EBF1: variants seen among roughly 807,000 people sequenced by gnomAD.
EBF1 encodes the protein EBF transcription factor 1.
EBF1 carries 10 observed loss-of-function variants against 68.4 expected under a neutral mutation model. The observed-to-expected ratio is 0.15, with a 90% CI of 0.09 to 0.25. EBF1 has a LOEUF of 0.25. EBF1 is among the 10% of genes least tolerant of loss of function. EBF1 has a pLI of 1.00. For synonymous variants in EBF1, 298 were observed against 299.8 expected (o/e 0.99, Z 0.06); for missense variants, 509 against 794.4 (o/e 0.64, Z 4.32).
intron 10 of EBF1, among the ~76,000 whole-genome samples, chr5:158,742,987 T>C (rs575483644): frequency 6.6e-6 from 1 of 152,316 alleles, no homozygotes; most frequent in South Asian, 2.1e-4. Flanking sequence ...AAGAAAAAGA[T>C]GTACAACATG....
intron 10 of EBF1, among the ~76,000 whole-genome samples, chr5:158,734,186 A>G (rs1764698501): frequency 6.6e-6 from 1 of 152,204 alleles, no homozygotes; most frequent in African/African-American, 2.4e-5. Flanking sequence ...GCCAAATAGT[A>G]GTTATTTCTA....
chr5:158,795,536 G>A (rs1779461200), intron 9 of EBF1, among the ~76,000 whole-genome samples: 1 of 152,098 alleles, frequency 6.6e-6, no homozygotes, highest in Non-Finnish European at 1.5e-5. Context: ...CCCTAACATT[G>A]TTTTTATTCT....
At chr5:158,712,462 T>A (rs1561708232) in intron 13 of EBF1, 129 bp from the exon 14 acceptor site, 25 of 995,782 alleles carry the variant, frequency 2.5e-5, no homozygotes, top group South Asian at 1.6e-4. Context: ...GATTGGGTGA[T>A]TCATGTGCGT....
At chr5:158,724,929 T>A (rs1762688048) in intron 11 of EBF1, among the ~76,000 whole-genome samples, 2 of 152,348 alleles carry the variant, frequency 1.3e-5, no homozygotes, top group South Asian at 4.1e-4. Context: ...ACATTCACTT[T>A]CAATATAGAT....
chr5:158,840,240 A>G, intron 6 of EBF1, 130 bp from the exon 7 acceptor site: 1 of 675,552 alleles, frequency 1.5e-6, no homozygotes, highest in Non-Finnish European at 2.5e-6. Flanking sequence ...GCATGGTGTT[A>G]GAGCCAATAT....
chr5:158,889,577 G>T (rs1247608207), intron 6 of EBF1, among the ~76,000 whole-genome samples: 1 of 152,174 alleles, frequency 6.6e-6, no homozygotes, highest in African/African-American at 2.4e-5. Flanking sequence ...TGGGATTCTA[G>T]CCTCTGTTAT....
At chr5:158,826,301 T>C (rs780209987) in intron 7 of EBF1, among the ~76,000 whole-genome samples, 2 of 152,354 alleles carry the variant, frequency 1.3e-5, no homozygotes. Context: ...AGAACTGCAC[T>C]GTCCAATACA....
At chr5:158,734,099 A>G (rs1016976257) in intron 10 of EBF1, among the ~76,000 whole-genome samples, 4 of 152,226 alleles carry the variant, frequency 2.6e-5, no homozygotes. Flanking sequence ...AGTAGATTAC[A>G]GGAGCATGTG....
chr5:158,806,621 A>G (rs1189637257), intron 8 of EBF1, among the ~76,000 whole-genome samples: 1 of 152,182 alleles, frequency 6.6e-6, no homozygotes, highest in Non-Finnish European at 1.5e-5. Flanking sequence ...GACAGAGAAC[A>G]GTCAGACTTC....
intron 6 of EBF1, among the ~76,000 whole-genome samples, chr5:158,935,515 G>A (rs909055619): frequency 1.6e-4 from 24 of 152,290 alleles, no homozygotes; most frequent in African/African-American, 5.5e-4. Flanking sequence ...GCATGTGCAC[G>A]CGTGCACACA....
intron 10 of EBF1, among the ~76,000 whole-genome samples, chr5:158,766,158 A>G (rs1772624239): frequency 6.6e-6 from 1 of 152,190 alleles, no homozygotes; most frequent in African/African-American, 2.4e-5. Flanking sequence ...CTTTTTAAGG[A>G]GGATTGACCT....
intron 6 of EBF1, among the ~76,000 whole-genome samples, chr5:158,921,698 A>G (rs1366919688): frequency 6.6e-6 from 1 of 152,104 alleles, no homozygotes; most frequent in African/African-American, 2.4e-5. Context: ...ATGTACCAAT[A>G]CTTGTTTTGG....
intron 6 of EBF1, among the ~76,000 whole-genome samples, chr5:158,870,333 A>G (rs1582751037): frequency 6.6e-6 from 1 of 152,218 alleles, no homozygotes; most frequent in Admixed American, 6.5e-5. Context: ...TTCATTTAGC[A>G]TCTGCTATAG....
chr5:158,933,826 G>T (rs1811398782), intron 6 of EBF1, among the ~76,000 whole-genome samples: 1 of 152,158 alleles, frequency 6.6e-6, no homozygotes, highest in Admixed American at 6.5e-5. Context: ...AATTAGATCT[G>T]CTCACACCCC....
intron 9 of EBF1, among the ~76,000 whole-genome samples, chr5:158,781,217 T>A (rs1302460320): frequency 1.3e-5 from 2 of 152,206 alleles, no homozygotes; most frequent in Non-Finnish European, 2.9e-5. Flanking sequence ...TTAAAACACT[T>A]GGATGAAAAC....
intron 7 of EBF1, among the ~76,000 whole-genome samples, chr5:158,830,038 T>A (rs1396476344): frequency 6.6e-6 from 1 of 152,178 alleles, no homozygotes; most frequent in African/African-American, 2.4e-5. Context: ...ATAAATGCAA[T>A]TTGATTGAAA....
chr5:159,097,434 C>G, intron 1 of EBF1: 1 of 390,398 alleles, frequency 2.6e-6, no homozygotes, highest in Non-Finnish European at 4.6e-6. Context: ...TCCTACCTGA[C>G]ACGCACTGCG....
chr5:158,779,773 C>T lies in EBF1; in HGVS notation c.910-2234G>A, dbSNP rs575642998. ...ACTTAATATGTATGAGTTGCTATAC[C>T]GAGGAACAAAATTCACGGGCTTTAT... On this transcript the variant is annotated intron_variant, in intron 9 of 15. Coordinates refer to ENST00000313708, the MANE Select transcript of EBF1 (RefSeq NM_024007.5). 9.9e-5 allele frequency among the ~76,000 whole-genome samples: 15 copies of T among 152,020 alleles called. No individual in the cohort carries two copies. The East Asian group carries it at 1.4e-3, about 14-fold the overall frequency.
At chr5:158,770,397 C>T (rs1280483942) in intron 10 of EBF1, among the ~76,000 whole-genome samples, 3 of 152,120 alleles carry the variant, frequency 2.0e-5, no homozygotes, top group Non-Finnish European at 2.9e-5. Context: ...TTCTGGTCTC[C>T]TATGCTTCTT....
Sources: gnomAD v4.1 joint callset for allele counts (sites outside exome capture counted in the v4.1 genomes callset) on GRCh38, gnomAD v4.1.1 for gene constraint, MANE v1.5 for transcripts, NCBI Gene and HGNC (gene_info 2026-07-23, HGNC 2026-07-21) for gene names.